The following SUGCT variants were observed in gnomAD, a reference collection of about 807,000 sequenced individuals.
The protein encoded by SUGCT is succinyl-CoA:glutarate CoA-transferase.
Under a neutral mutation model 55.0 loss-of-function variants are expected in SUGCT, and 41 were observed. The observed-to-expected ratio is 0.74, with a 90% CI of 0.58 to 0.97. The LOEUF (loss-of-function observed/expected upper bound fraction) is 0.97. Ranked by LOEUF, SUGCT falls within the 50% of genes least tolerant of loss-of-function variation. The pLI, the probability that SUGCT is intolerant of heterozygous loss-of-function variation, is 0.00. For synonymous variants in SUGCT, 187 were observed against 200.4 expected (o/e 0.93, Z 0.56); for missense variants, 568 against 547.8 (o/e 1.04, Z -0.37).
At chr7:40,604,966 C>G (rs913567009) in intron 12 of SUGCT, among the ~76,000 whole-genome samples, 1 of 152,194 alleles carries the variant, frequency 6.6e-6, no homozygotes, top group African/African-American at 2.4e-5. Context: ...CAACTTCACC[C>G]AGTCCTGCCA....
intron 9 of SUGCT, among the ~76,000 whole-genome samples, chr7:40,421,446 A>G (rs1389896413): frequency 2.0e-5 from 3 of 152,160 alleles, no homozygotes; most frequent in African/African-American, 2.4e-5. Context: ...TGGATACTTT[A>G]TCATAATCCA....
rs79674028 is a variant in SUGCT, at chr7:40,396,338, A to G, written c.817-52949A>G. Among the ~76,000 whole-genome samples, 1,940 of 152,260 alleles carry G rather than the reference A, an allele frequency of 0.013. 100 individuals are homozygous for G. In the East Asian group the frequency reaches 0.13, roughly 11 times the overall value. On this transcript the variant is annotated intron_variant, in intron 9 of 13. Transcript: ENST00000335693. ...TTTCCGAGAATTATTATGAATATTA[A>G]ATGTATGATAATTTGCCCTGAAAAG...
At chr7:40,222,993 CCTTCCTTCCT>C (rs1788113983) in intron 6 of SUGCT, among the ~76,000 whole-genome samples, 3 of 72,670 alleles carry the variant, frequency 4.1e-5, no homozygotes, top group African/African-American at 1.5e-4. Flanking sequence ...TTCTTTCCTT[CCTTCCTTCCT>C]TCCTTCCTTC....
At chr7:40,208,312 A>C (rs1034505649) in intron 6 of SUGCT, among the ~76,000 whole-genome samples, 13 of 152,206 alleles carry the variant, frequency 8.5e-5, no homozygotes, top group African/African-American at 3.1e-4. Context: ...GGTGCACTGT[A>C]CACTTAAAAA....
intron 12 of SUGCT, among the ~76,000 whole-genome samples, chr7:40,722,048 T>C (rs146564230): frequency 7.2e-5 from 11 of 152,192 alleles, no homozygotes; most frequent in African/African-American, 2.7e-4. Flanking sequence ...AGCTGGCCTG[T>C]GTTTGGACCA....
At chr7:40,547,731 T>C (rs1407786263) in intron 12 of SUGCT, among the ~76,000 whole-genome samples, 1 of 152,206 alleles carries the variant, frequency 6.6e-6, no homozygotes, top group Non-Finnish European at 1.5e-5. Context: ...AAATTTTGTG[T>C]ATGTGTAGTT....
At chr7:40,891,653 C>G in the SUGCT span, among the ~76,000 whole-genome samples, 1 of 152,190 alleles carries the variant, frequency 6.6e-6, no homozygotes, top group African/African-American at 2.4e-5. Context: ...ACCTACTTTA[C>G]AAGAAATACT....
intron 12 of SUGCT, among the ~76,000 whole-genome samples, chr7:40,658,865 G>A (rs1317545912): frequency 1.3e-5 from 2 of 152,118 alleles, no homozygotes; most frequent in African/African-American, 2.4e-5. Flanking sequence ...TCCTCTCCAT[G>A]TGTCATCACA....
chr7:40,625,456 G>C (rs1417094249), intron 12 of SUGCT, among the ~76,000 whole-genome samples: 1 of 151,954 alleles, frequency 6.6e-6, no homozygotes, highest in African/African-American at 2.4e-5. Context: ...ACCAAGTTGG[G>C]CACCCCTCAC....
chr7:40,248,302 C>A (rs181224831), intron 7 of SUGCT, among the ~76,000 whole-genome samples: 2 of 152,258 alleles, frequency 1.3e-5, no homozygotes, highest in South Asian at 4.1e-4. Context: ...TGAGCCACCA[C>A]GCCCGGCCTA....
At chr7:40,889,987 T>G in the SUGCT span, among the ~76,000 whole-genome samples, 2 of 151,896 alleles carry the variant, frequency 1.3e-5, no homozygotes, top group African/African-American at 4.8e-5. Flanking sequence ...GCAAGCTCCA[T>G]GAGGTCAGTC....
intron 9 of SUGCT, among the ~76,000 whole-genome samples, chr7:40,420,029 A>G (rs967567939): frequency 6.6e-6 from 1 of 152,154 alleles, no homozygotes; most frequent in Non-Finnish European, 1.5e-5. Context: ...AGGAGGGAAA[A>G]CAGAAAATCT....
intron 1 of SUGCT, among the ~76,000 whole-genome samples, chr7:40,179,909 G>A (rs1785103227): frequency 1.3e-5 from 2 of 152,224 alleles, no homozygotes; most frequent in African/African-American, 2.4e-5. Context: ...GGAGGAGAAT[G>A]TATGAGGTTG....
At chr7:40,902,007 A>G in the SUGCT span, among the ~76,000 whole-genome samples, 1 of 152,180 alleles carries the variant, frequency 6.6e-6, no homozygotes, top group Non-Finnish European at 1.5e-5. Context: ...TATCGTTTTC[A>G]TGCCCCACTG....
At chr7:40,587,918 T>TG (rs577299830) in intron 12 of SUGCT, among the ~76,000 whole-genome samples, 170 of 148,180 alleles carry the variant, frequency 1.1e-3, no homozygotes, top group African/African-American at 2.4e-3. Context: ...TTTTTTTTTT[T>TG]TCCAGACAGA....
At chr7:40,898,242 C>G in the SUGCT span, among the ~76,000 whole-genome samples, 2 of 152,118 alleles carry the variant, frequency 1.3e-5, no homozygotes, top group African/African-American at 4.8e-5. Context: ...TTCCAGCTTT[C>G]ACTCGTGAGT....
chr7:40,349,821 C>T (rs1407543212), intron 9 of SUGCT, among the ~76,000 whole-genome samples: 1 of 152,138 alleles, frequency 6.6e-6, no homozygotes, highest in Non-Finnish European at 1.5e-5. Context: ...TAAAGGCATA[C>T]CACCACACCC....
Position 40,391,352 on chromosome 7 carries a change from C to A in SUGCT, c.817-57935C>A, listed in dbSNP as rs370540974. 2.0e-3 allele frequency among the ~76,000 whole-genome samples: 303 copies of A among 152,256 alleles called. 11 individuals carry two copies. In the South Asian group the frequency reaches 0.058, roughly 29 times the overall value. ...ACCATCAGAGTGAACAGGCAACCTACAGAATGGGAGAAAATTTTTACAATC... is the reference window on the plus strand; with the variant it reads ...ACCATCAGAGTGAACAGGCAACCTAAAGAATGGGAGAAAATTTTTACAATC... On this transcript the variant is annotated intron_variant, in intron 9 of 13. Coordinates refer to ENST00000335693, the MANE Select transcript of SUGCT (RefSeq NM_001193313.2).
At chr7:40,231,992 T>C (rs113710194) in intron 6 of SUGCT, among the ~76,000 whole-genome samples, 18,311 of 152,116 alleles carry the variant, frequency 0.12, 1,369 homozygotes, top group Middle Eastern at 0.2. Context: ...TCACAGTTAC[T>C]TGGGAGGCTG....
Sources: gnomAD v4.1 joint callset for allele counts (sites outside exome capture counted in the v4.1 genomes callset) on GRCh38, gnomAD v4.1.1 for gene constraint, MANE v1.5 for transcripts, NCBI Gene and HGNC (gene_info 2026-07-23, HGNC 2026-07-21) for gene names.